CLVS1: variants seen among roughly 807,000 people sequenced by gnomAD.
CLVS1 encodes the protein clavesin-1.
Under a neutral mutation model 33.1 loss-of-function variants are expected in CLVS1, and 10 were observed. The observed-to-expected ratio is 0.30, with a 90% CI of 0.19 to 0.51. CLVS1 has a LOEUF of 0.51. Ranked by LOEUF, CLVS1 falls within the 20% of genes least tolerant of loss-of-function variation. The pLI, the probability that CLVS1 is intolerant of heterozygous loss-of-function variation, is 0.97. For missense variants in CLVS1, 343 were observed against 433.4 expected, an observed-to-expected ratio of 0.79 and a Z score of 1.85; for synonymous variants, 163 against 166.1, an observed-to-expected ratio of 0.98 and a Z score of 0.14.
chr8:61,401,704 A>C (rs1448617431), intron 3 of CLVS1, among the ~76,000 whole-genome samples: 1 of 152,194 alleles, frequency 6.6e-6, no homozygotes, highest in Non-Finnish European at 1.5e-5. Context: ...TTAGAAAAAA[A>C]CTATTTTAAA....
chr8:61,427,826 A>C (rs748650148), intron 3 of CLVS1, among the ~76,000 whole-genome samples: 5 of 152,234 alleles, frequency 3.3e-5, no homozygotes, highest in African/African-American at 4.8e-5. Context: ...GGATGGAGCT[A>C]GTTGAAATTG....
At chr8:61,098,003 A>T (rs1026028631) in intron 1 of CLVS1, among the ~76,000 whole-genome samples, 2 of 152,126 alleles carry the variant, frequency 1.3e-5, no homozygotes, top group Admixed American at 6.5e-5. Context: ...AAAAAATTTA[A>T]AAAAAATTAT....
intron 2 of CLVS1, among the ~76,000 whole-genome samples, chr8:61,351,215 A>G (rs548366070): frequency 5.9e-5 from 9 of 152,136 alleles, no homozygotes; most frequent in Non-Finnish European, 1.0e-4. Context: ...AAATCTCAGT[A>G]AAGGAATAGA....
At chr8:61,202,744 G>A in intron 2 of CLVS1, 1 of 1,575,174 alleles carries the variant, frequency 6.3e-7, no homozygotes, top group Admixed American at 1.7e-5. Context: ...AGAGGAGGAG[G>A]ATGTGAAACT....
chr8:61,087,456 C>G (rs1805147593), intron 1 of CLVS1, among the ~76,000 whole-genome samples: 1 of 152,184 alleles, frequency 6.6e-6, no homozygotes. Flanking sequence ...CATTCTGTTT[C>G]TTTCCTCTCC....
At chr8:60,995,855 C>T in the CLVS1 span, among the ~76,000 whole-genome samples, 3 of 152,194 alleles carry the variant, frequency 2.0e-5, no homozygotes, top group Non-Finnish European at 4.4e-5. Context: ...AGTTCATGTC[C>T]TTTGCAGGGA....
chr8:60,987,920 C>T, the CLVS1 span, among the ~76,000 whole-genome samples: 2 of 152,014 alleles, frequency 1.3e-5, no homozygotes, highest in Non-Finnish European at 2.9e-5. Flanking sequence ...AAGACCAAAT[C>T]TCTTAAAAAA....
At chr8:61,381,256 C>T (rs1306053034) in intron 3 of CLVS1, among the ~76,000 whole-genome samples, 2 of 151,860 alleles carry the variant, frequency 1.3e-5, no homozygotes, top group African/African-American at 2.4e-5. Flanking sequence ...AAAGGAGGTC[C>T]GTTGCTTTTC....
At chr8:61,009,594 G>A in the CLVS1 span, among the ~76,000 whole-genome samples, 1 of 152,056 alleles carries the variant, frequency 6.6e-6, no homozygotes, top group Admixed American at 6.5e-5. Context: ...CCCCTTGCCC[G>A]ATTTTGGCAG....
At chr8:61,238,428 CA>C (rs1808616281) in intron 2 of CLVS1, among the ~76,000 whole-genome samples, 1 of 152,006 alleles carries the variant, frequency 6.6e-6, no homozygotes, top group African/African-American at 2.4e-5. Context: ...CTTTTTCCCC[CA>C]CAAAGAGATA....
chr8:61,212,340 C>T (rs993221757), intron 2 of CLVS1, among the ~76,000 whole-genome samples: 1 of 152,158 alleles, frequency 6.6e-6, no homozygotes, highest in African/African-American at 2.4e-5. Flanking sequence ...GGGGACATTT[C>T]AGAGAGGGAG....
At chr8:61,312,844 C>T (rs1468548532) in intron 2 of CLVS1, among the ~76,000 whole-genome samples, 2 of 152,324 alleles carry the variant, frequency 1.3e-5, no homozygotes, top group East Asian at 3.9e-4. Context: ...GGCCTGCTGT[C>T]AGGGATTGTG....
chr8:61,211,035 AT>A (rs1807960534), intron 2 of CLVS1, among the ~76,000 whole-genome samples: 1 of 152,116 alleles, frequency 6.6e-6, no homozygotes, highest in Non-Finnish European at 1.5e-5. Flanking sequence ...AGCCAAAGGG[AT>A]GGAGGGCTTA....
At chr8:61,007,891 A>T in the CLVS1 span, among the ~76,000 whole-genome samples, 1 of 152,302 alleles carries the variant, frequency 6.6e-6, no homozygotes. Context: ...GAGGAAAATC[A>T]CTTTGCTCTC....
At chr8:61,127,772 G>A (rs1481793098) in intron 1 of CLVS1, among the ~76,000 whole-genome samples, 1 of 152,166 alleles carries the variant, frequency 6.6e-6, no homozygotes, top group Non-Finnish European at 1.5e-5. Flanking sequence ...CCCTTGCAAA[G>A]TCTAGACAGA....
intron 2 of CLVS1, among the ~76,000 whole-genome samples, chr8:61,230,969 G>T (rs1333989333): frequency 3.9e-5 from 6 of 152,040 alleles, no homozygotes; most frequent in Non-Finnish European, 8.8e-5. Context: ...TATTCATGAG[G>T]GTTCTGCCCT....
chr8:61,085,728 C>CAA (rs57456582), intron 1 of CLVS1, among the ~76,000 whole-genome samples: 1,727 of 115,040 alleles, frequency 0.015, 34 homozygotes, highest in African/African-American at 0.045. Flanking sequence ...CCATCCCTAC[C>CAA]AAAAAAAAAA....
chr8:61,343,087 A>G (rs552137623), intron 2 of CLVS1, among the ~76,000 whole-genome samples: 1 of 152,338 alleles, frequency 6.6e-6, no homozygotes, highest in South Asian at 2.1e-4. Context: ...ATTTAACAAA[A>G]CAAATATGAC....
chr8:61,384,259 T>A (rs903900808), intron 3 of CLVS1, among the ~76,000 whole-genome samples: 2 of 152,212 alleles, frequency 1.3e-5, no homozygotes, highest in East Asian at 3.8e-4. Context: ...CTAAGGAGTT[T>A]GTTCTCTTCC....
Sources: allele counts gnomAD v4.1 joint callset (sites outside exome capture counted in the v4.1 genomes callset), GRCh38; gene constraint gnomAD v4.1.1; transcripts MANE v1.5; gene names NCBI Gene and HGNC (gene_info 2026-07-23, HGNC 2026-07-21).